EYA2: variants seen among roughly 807,000 people sequenced by gnomAD.
The protein encoded by EYA2 is protein phosphatase EYA2.
In EYA2, 31 loss-of-function variants were observed where a neutral mutation model predicts 69.2. That is an observed-to-expected ratio of 0.45 (90% confidence interval 0.34 to 0.60). The LOEUF is 0.60. Ranked by LOEUF, EYA2 falls within the 20% of genes least tolerant of loss-of-function variation. EYA2 has a pLI of 0.02. For missense variants in EYA2, 622 were observed against 701.2 expected (o/e 0.89, Z 1.28); for synonymous variants, 257 against 279.4 (o/e 0.92, Z 0.80).
At chr20:46,940,550 G>C (rs776696071) in intron 1 of EYA2, among the ~76,000 whole-genome samples, 3 of 152,192 alleles carry the variant, frequency 2.0e-5, no homozygotes, top group Non-Finnish European at 4.4e-5. Context: ...CTATGCCACA[G>C]ATACAAAACC....
chr20:47,022,475 G>A (rs1983812275), intron 5 of EYA2, among the ~76,000 whole-genome samples: 1 of 151,550 alleles, frequency 6.6e-6, no homozygotes, highest in Non-Finnish European at 1.5e-5. Flanking sequence ...CACCACACCT[G>A]GCTAATTTTT....
chr20:47,140,308 A>G (rs564550822), intron 9 of EYA2, among the ~76,000 whole-genome samples: 88 of 152,266 alleles, frequency 5.8e-4, no homozygotes, highest in African/African-American at 1.7e-3. Flanking sequence ...ACTTCCAGCC[A>G]GGACCAAGAG....
intron 10 of EYA2, among the ~76,000 whole-genome samples, chr20:47,160,661 G>A (rs2034047035): frequency 6.6e-6 from 1 of 152,118 alleles, no homozygotes; most frequent in Admixed American, 6.6e-5. Flanking sequence ...GAACATAGAA[G>A]GTGATCAGTG....
intron 10 of EYA2, among the ~76,000 whole-genome samples, chr20:47,156,226 C>T (rs2033949920): frequency 7.6e-6 from 1 of 132,314 alleles, no homozygotes; most frequent in East Asian, 2.5e-4. Flanking sequence ...CCCAGCTACT[C>T]GGGAGGCTAA....
chr20:47,175,266 A>C (rs916069576), intron 12 of EYA2, among the ~76,000 whole-genome samples: 2 of 152,252 alleles, frequency 1.3e-5, no homozygotes, highest in Admixed American at 1.3e-4. Context: ...CAAGTGTTTT[A>C]GAAGGTACAC....
At chr20:46,916,685 C>T (rs1984920517) in intron 1 of EYA2, among the ~76,000 whole-genome samples, 1 of 152,132 alleles carries the variant, frequency 6.6e-6, no homozygotes, top group South Asian at 2.1e-4. Context: ...TTAAGGTTGA[C>T]TTTCCTTTCT....
At chr20:46,993,178 T>C (rs570472572) in intron 2 of EYA2, among the ~76,000 whole-genome samples, 2 of 152,342 alleles carry the variant, frequency 1.3e-5, no homozygotes, top group Admixed American at 1.3e-4. Flanking sequence ...GGAGTAATTA[T>C]TCCACCGACC....
intron 9 of EYA2, among the ~76,000 whole-genome samples, chr20:47,131,856 A>T (rs2033350386): frequency 6.6e-6 from 1 of 152,238 alleles, no homozygotes; most frequent in Non-Finnish European, 1.5e-5. Context: ...GCCACGGGAA[A>T]CTATATTACA....
chr20:46,987,607 G>T (rs1981316242), intron 1 of EYA2, among the ~76,000 whole-genome samples: 1 of 152,050 alleles, frequency 6.6e-6, no homozygotes, highest in Admixed American at 6.5e-5. Flanking sequence ...CCAATTCAAG[G>T]ATTCAGTTAA....
At chr20:46,902,033 C>T (rs191710234) in intron 1 of EYA2, among the ~76,000 whole-genome samples, 4 of 152,230 alleles carry the variant, frequency 2.6e-5, no homozygotes, top group Admixed American at 6.5e-5. Flanking sequence ...ATGTCTAAAA[C>T]GCTCAAAATG....
intron 1 of EYA2, among the ~76,000 whole-genome samples, chr20:46,930,155 GTCC>G (rs1985604529): frequency 6.6e-6 from 1 of 152,182 alleles, no homozygotes; most frequent in Non-Finnish European, 1.5e-5. Context: ...GTTGACTGTG[GTCC>G]TCCTGAAGAA....
At chr20:47,036,001 A>T (rs1393659985) in intron 5 of EYA2, among the ~76,000 whole-genome samples, 1 of 152,064 alleles carries the variant, frequency 6.6e-6, no homozygotes, top group Non-Finnish European at 1.5e-5. Flanking sequence ...ACAGAGTAAG[A>T]CCCTATTTCA....
chr20:46,914,406 C>A (rs2146228105), intron 1 of EYA2, among the ~76,000 whole-genome samples: 1 of 152,320 alleles, frequency 6.6e-6, no homozygotes, highest in East Asian at 1.9e-4. Flanking sequence ...CATTCTCACA[C>A]TGCCAATAAA....
intron 12 of EYA2, among the ~76,000 whole-genome samples, chr20:47,173,272 C>T (rs569808150): frequency 6.6e-6 from 1 of 152,120 alleles, no homozygotes; most frequent in South Asian, 2.1e-4. Context: ...CGCTGGGGCC[C>T]AGAATCTGTG....
chr20:47,107,540 AAG>A (rs1491009146), intron 9 of EYA2, among the ~76,000 whole-genome samples: 54 of 128,530 alleles, frequency 4.2e-4, no homozygotes, highest in African/African-American at 1.3e-3. Context: ...AAAAAAAAAA[AAG>A]AAAGAAAGAA....
At chr20:46,929,151 G>GT (rs1985547227) in intron 1 of EYA2, among the ~76,000 whole-genome samples, 1 of 50,482 alleles carries the variant, frequency 2.0e-5, no homozygotes, top group Non-Finnish European at 3.6e-5. Context: ...AATAAGTTGT[G>GT]CAAAAAAAAA....
chr20:47,037,571 G>A (rs6063064), intron 5 of EYA2, among the ~76,000 whole-genome samples: 98,239 of 152,066 alleles, frequency 0.65, 33,615 homozygotes, highest in Non-Finnish European at 0.76. Flanking sequence ...TAAAATCAAG[G>A]CATCAGCAGA....
chr20:47,043,343 G>A (rs1415377884), intron 5 of EYA2, among the ~76,000 whole-genome samples: 10 of 152,148 alleles, frequency 6.6e-5, no homozygotes. Flanking sequence ...TTTTAAAAGG[G>A]AGAGGCCAAC....
At chr20:47,100,807 A>C (rs1374772498) in intron 9 of EYA2, among the ~76,000 whole-genome samples, 1 of 152,234 alleles carries the variant, frequency 6.6e-6, no homozygotes, top group African/African-American at 2.4e-5. Flanking sequence ...ACCTTCAGAG[A>C]GACCCAAAAT....
Sources: allele counts gnomAD v4.1 joint callset (sites outside exome capture counted in the v4.1 genomes callset), GRCh38; gene constraint gnomAD v4.1.1; transcripts MANE v1.5; gene names NCBI Gene and HGNC (gene_info 2026-07-23, HGNC 2026-07-21).